Variants in TGM1 observed in about 807,000 individuals in gnomAD.
TGM1 encodes transglutaminase 1.
In TGM1, 63 loss-of-function variants were observed where a neutral mutation model predicts 88.7. The observed-to-expected ratio is 0.71, with a 90% CI of 0.58 to 0.88. TGM1 has a LOEUF of 0.88. Ranked by LOEUF, TGM1 falls within the 40% of genes least tolerant of loss-of-function variation. TGM1 has a pLI of 0.00. For missense variants in TGM1, 996 were observed against 1,118.0 expected, an observed-to-expected ratio of 0.89 and a Z score of 1.56; for synonymous variants, 415 against 431.1, an observed-to-expected ratio of 0.96 and a Z score of 0.46.
chr14:24,253,821 G>A (rs1365918714), intron 14 of TGM1, among the ~76,000 whole-genome samples: 3 of 152,196 alleles, frequency 2.0e-5, no homozygotes, highest in Non-Finnish European at 4.4e-5. Flanking sequence ...GTCCAAAGGA[G>A]ATAATATTCC....
chr14:24,259,499 G>A lies in TGM1; in HGVS notation c.984+205C>T. On this transcript the variant is annotated intron_variant, in intron 6 of 14. Transcript: ENST00000206765. The surrounding 1 kb of genome is among the most constrained non-coding windows in gnomAD (Gnocchi z 5.7). ...TTGGGTTTGGCCCTACATTCCACAG[G>A]AGCTGGGACAGGAGCCAGGAAAGGC... Among the ~76,000 whole-genome samples the A allele has an allele frequency of 6.6e-6, 1 of 152,174 alleles. No homozygotes were observed. Among genetic ancestry groups the A allele is most frequent in the East Asian group, 1.9e-4 (1 of 5,188 alleles).
At chr14:24,252,465 A>T (rs2040709315) in intron 14 of TGM1, among the ~76,000 whole-genome samples, 1 of 151,826 alleles carries the variant, frequency 6.6e-6, no homozygotes, top group African/African-American at 2.4e-5. Context: ...AGGACGAGGA[A>T]CCTCCCCCCA....
Position 24,262,498 on chromosome 14 carries a change from A to C in TGM1, c.-2-144T>G. On this transcript the variant is annotated intron_variant, in intron 1 of 14. Coordinates refer to ENST00000206765, the MANE Select transcript of TGM1 (RefSeq NM_000359.3). ...GCCCAGAGATTCTCCAGACACATCC[A>C]GAGACCTTCCGCGAAGACCATTCAG... 3 of 904,008 alleles carry C rather than the reference A, an allele frequency of 3.3e-6. No individual in the cohort carries two copies. The South Asian group carries it at 4.3e-5, about 13-fold the overall frequency. The allele number at this position is 904,008 out of a possible 1,614,324, so 56.0% of individuals were successfully genotyped here.
At position 24,257,303 on chromosome 14, in the gene TGM1, GC is replaced by G. The variant is rs112998901; in HGVS notation, c.1402+981del. ...GGACAGAAGGTAGCTGGCAGGGCAG[GC>G]CTGGTGGCCTGGGGCTGGGGTATCA... On this transcript the variant is annotated intron_variant, in intron 9 of 14. Transcript: ENST00000206765. 3.2e-3 allele frequency among the ~76,000 whole-genome samples: 487 copies of G among 152,336 alleles called. 3 individuals are homozygous for G. Among genetic ancestry groups the G allele is most frequent in the African/African-American group, 0.011 (469 of 41,572 alleles).
At chr14:24,256,430 T>C (rs924114076) in intron 9 of TGM1, among the ~76,000 whole-genome samples, 1 of 152,208 alleles carries the variant, frequency 6.6e-6, no homozygotes, top group African/African-American at 2.4e-5. Context: ...TGACACTGGA[T>C]GTCCACCATC....
chr14:24,254,921 C>T, intron 12 of TGM1, 51 bp downstream of exon 12: 2 of 1,613,000 alleles, frequency 1.2e-6, no homozygotes, highest in Non-Finnish European at 1.7e-6. Flanking sequence ...ATGTCCACAG[C>T]CCTGAGGTGC....
At chr14:24,256,981 T>C (rs1212205820) in intron 9 of TGM1, among the ~76,000 whole-genome samples, 1 of 152,172 alleles carries the variant, frequency 6.6e-6, no homozygotes, top group Non-Finnish European at 1.5e-5. Context: ...GCCTAAAAGT[T>C]CGAGGTGCTT....
chr14:24,259,344 C>A lies in TGM1; in HGVS notation c.985-95G>T. 1 of 1,204,784 alleles carries A rather than the reference C, an allele frequency of 8.3e-7. No individual in the cohort carries two copies. Among genetic ancestry groups the A allele is most frequent in the Non-Finnish European group, 1.2e-6 (1 of 837,030 alleles). The allele number at this position is 1,204,784 out of a possible 1,614,324, so 74.6% of individuals were successfully genotyped here. A position where few individuals can be genotyped will look rare whatever the true frequency, so the allele number is the denominator to read the frequency against. ...GACCAGCCGGGCCCCGATCCTGCAA[C>A]CACCCCTTACCCCTAAATGCCTCAG... On this transcript the variant is annotated intron_variant, in intron 6 of 14. Transcript: ENST00000206765. The surrounding 1 kb of genome is among the most constrained non-coding windows in gnomAD (Gnocchi z 5.7).
chr14:24,254,593 C>A, intron 13 of TGM1, 71 bp downstream of exon 13: 13 of 1,608,668 alleles, frequency 8.1e-6, no homozygotes, highest in Non-Finnish European at 1.1e-5. Flanking sequence ...GCTTAGCGCC[C>A]ACCTCTGATG....
At chr14:24,258,256 C>T (rs2040773677) in intron 9 of TGM1, 29 bp downstream of exon 9, 12 of 1,556,874 alleles carry the variant, frequency 7.7e-6, no homozygotes, top group African/African-American at 1.4e-5. Context: ...TAAGCAGGGG[C>T]ATGGTGGGGA....
Position 24,260,512 on chromosome 14 carries a change from T to C in TGM1, c.695A>G (p.Glu232Gly), listed in dbSNP as rs758944662. 3.1e-6 allele frequency: 5 copies of C among 1,614,206 alleles called. No individual in the cohort carries two copies. The highest frequency in any genetic ancestry group is 1.1e-5 in the South Asian group (1 of 91,088). Reference sequence around the variant, plus strand: ...GCGGGGGTCAAAGGGCAACTGGAACTCCCCAGCGTCTGATTGTGTGCGGAC... The same window carrying C: ...GCGGGGGTCAAAGGGCAACTGGAACCCCCCAGCGTCTGATTGTGTGCGGAC... ...FTVRTQSDAG[E>G]FQLPFDPRNE... Residue 232 changes from glutamate (E) to glycine (G), a missense_variant, in exon 4 of 15, where the codon GAG (glutamate) becomes GGG (glycine). Transcript: ENST00000206765.
intron 14 of TGM1, among the ~76,000 whole-genome samples, chr14:24,252,493 G>A (rs2040709810): frequency 6.6e-6 from 1 of 152,182 alleles, no homozygotes; most frequent in African/African-American, 2.4e-5. Flanking sequence ...GGGGGTGTGG[G>A]TAAGAGATGC....
intron 14 of TGM1, among the ~76,000 whole-genome samples, chr14:24,251,184 G>A (rs2040698340): frequency 6.6e-6 from 1 of 152,164 alleles, no homozygotes; most frequent in South Asian, 2.1e-4. Context: ...GAGGGAGGCA[G>A]GGATATATAA....
rs8193031 is a variant in TGM1, at chr14:24,262,176, G to A, written c.177C>T (p.Asp59=). Residue 59 remains aspartate (D), a synonymous_variant, in exon 2 of 15, where the codon GAC becomes GAT. Transcript: ENST00000206765. ...GCCSCRNAAD[D]DWGPEPSDSR... is the part of the protein sequence containing the mutation. Reference sequence around the variant, plus strand: ...AGTCAGAGGGTTCAGGTCCCCAGTCGTCATCTGCCGCATTTCGGCATGAAC... The same window carrying A: ...AGTCAGAGGGTTCAGGTCCCCAGTCATCATCTGCCGCATTTCGGCATGAAC... The A allele has an allele frequency of 2.9e-4, 466 of 1,613,734 alleles. 3 individuals carry two copies. In the East Asian group the frequency reaches 9.9e-3, roughly 34 times the overall value.
chr14:24,260,561 T>C lies in TGM1; in HGVS notation c.646A>G (p.Ile216Val). ...NLRVHTSPNA[I>V]IGKFQFTVRT... ...ACTGTGAACTGAAACTTGCCGATGATGGCGTTGGGGGAAGTGTGGACCCGC... is the reference window on the plus strand; with the variant it reads ...ACTGTGAACTGAAACTTGCCGATGACGGCGTTGGGGGAAGTGTGGACCCGC... Residue 216 changes from isoleucine (I) to valine (V), a missense_variant, in exon 4 of 15, where the codon ATC (isoleucine) becomes GTC (valine). Ile to Val is a conservative substitution (Grantham distance 29). Coordinates refer to ENST00000206765, the MANE Select transcript of TGM1 (RefSeq NM_000359.3). 3 of 1,614,224 alleles carry C rather than the reference T, an allele frequency of 1.9e-6. No individual in the cohort carries two copies. Among genetic ancestry groups the C allele is most frequent in the Non-Finnish European group, 1.7e-6 (2 of 1,180,040 alleles).
At chr14:24,249,831 C>A (rs1209407300) in intron 14 of TGM1, among the ~76,000 whole-genome samples, 1 of 152,156 alleles carries the variant, frequency 6.6e-6, no homozygotes, top group Non-Finnish European at 1.5e-5. Flanking sequence ...ACCGCAGAGG[C>A]CTCTCATGCC....
Position 24,255,299 on chromosome 14 carries a change from G to A in TGM1, c.1646-46C>T, listed in dbSNP as rs1457816231. ...GTGAGGTTCCAATTCCCACGTGGGT[G>A]GCCAAGCACTTGGCAGGAACACTTG... On this transcript the variant is annotated intron_variant, in intron 11 of 14. Coordinates refer to ENST00000206765, the MANE Select transcript of TGM1 (RefSeq NM_000359.3). This position sits in a 1 kb window ranked among gnomAD's most constrained non-coding sequence, Gnocchi z 4.0. 1.9e-6 allele frequency: 3 copies of A among 1,614,092 alleles called. No individual in the cohort carries two copies. Among genetic ancestry groups the A allele is most frequent in the Non-Finnish European group, 2.5e-6 (3 of 1,180,046 alleles).
chr14:24,254,395 G>T, intron 13 of TGM1, 107 bp from the exon 14 acceptor site: 1 of 1,526,940 alleles, frequency 6.5e-7, no homozygotes, highest in Non-Finnish European at 9.0e-7. Flanking sequence ...AAACCTCCCC[G>T]AGTCCCACAT....
chr14:24,259,399 G>A lies in TGM1; in HGVS notation c.985-150C>T. 1.2e-6 allele frequency: 1 copy of A among 824,666 alleles called. No individual in the cohort carries two copies. The highest frequency in any genetic ancestry group is 2.0e-6 in the Non-Finnish European group (1 of 501,278). 51.1% of individuals were successfully genotyped at this position (824,666 alleles called of 1,614,324 possible). ...CAGACACCAGCCTGAGCTCCACCCA[G>A]CCCTTCCCTCAGCCATCTGCCCCCC... On this transcript the variant is annotated intron_variant, in intron 6 of 14. Coordinates refer to ENST00000206765, the MANE Select transcript of TGM1 (RefSeq NM_000359.3). The surrounding 1 kb of genome is among the most constrained non-coding windows in gnomAD (Gnocchi z 5.7).
Sources: gnomAD v4.1 joint callset for allele counts (sites outside exome capture counted in the v4.1 genomes callset) on GRCh38, gnomAD v4.1.1 for gene constraint, Gnocchi (gnomAD v3.1) non-coding constraint, MANE v1.5 for transcripts, NCBI Gene and HGNC (gene_info 2026-07-23, HGNC 2026-07-21) for gene names.